SRGAP2C: variants seen among roughly 807,000 people sequenced by gnomAD.
The protein encoded by SRGAP2C is SLIT-ROBO Rho GTPase-activating protein 2C.
SRGAP2C carries 15 observed loss-of-function variants against 25.1 expected under a neutral mutation model. The observed-to-expected ratio is 0.60, with a 90% CI of 0.40 to 0.92. The LOEUF (loss-of-function observed/expected upper bound fraction) is 0.92. Among genes scored for constraint, SRGAP2C ranks in the 40% least tolerant of loss-of-function variants. The probability of loss-of-function intolerance (pLI) is 0.00; values close to 1 mark genes in which losing one functional copy is unlikely to be tolerated. For synonymous variants in SRGAP2C, 44 were observed against 96.6 expected, an observed-to-expected ratio of 0.46 and a Z score of 3.19; for missense variants, 144 against 264.4, an observed-to-expected ratio of 0.54 and a Z score of 3.16.
At position 121,323,341 on chromosome 1, in the gene SRGAP2C, C is replaced by T. The variant is rs1553341320; in HGVS notation, c.261-1137C>T. Reference sequence around the variant, plus strand: ...TTAGAAATGAGCATCTAGGGCCGGGCGCAGTGGCTCACTCCTATAATCCCA... The same window carrying T: ...TTAGAAATGAGCATCTAGGGCCGGGTGCAGTGGCTCACTCCTATAATCCCA... On this transcript the variant is annotated intron_variant, in intron 3 of 9. Transcript: ENST00000367123. 6.1e-4 allele frequency among the ~76,000 whole-genome samples: 92 copies of T among 152,028 alleles called. No homozygotes were observed. The South Asian group carries it at 9.3e-3, about 15-fold the overall frequency.
At chr1:121,219,029 C>T (rs1187294146) in intron 2 of SRGAP2C, among the ~76,000 whole-genome samples, 3 of 152,158 alleles carry the variant, frequency 2.0e-5, no homozygotes, top group Non-Finnish European at 4.4e-5. Flanking sequence ...TTTTTAGCAA[C>T]TTGCCTTCAA....
At chr1:121,298,411 TC>T (rs1657641104) in intron 3 of SRGAP2C, among the ~76,000 whole-genome samples, 17 of 135,450 alleles carry the variant, frequency 1.3e-4, no homozygotes, top group Non-Finnish European at 4.7e-5. Flanking sequence ...AGAAGGCCAG[TC>T]CTATTCAGCC....
chr1:121,388,859 AG>A lies in SRGAP2C; in HGVS notation c.*1007del, dbSNP rs1293752978. 1 of 96,772 alleles carries A rather than the reference AG, an allele frequency of 1.0e-5. No homozygotes were observed. Among genetic ancestry groups the A allele is most frequent in the Non-Finnish European group, 2.1e-5 (1 of 48,630 alleles). 6.0% of individuals were successfully genotyped at this position (96,772 alleles called of 1,614,324 possible). A position where few individuals can be genotyped will look rare whatever the true frequency, so the allele number is the denominator to read the frequency against. ...TTTTATCCTAGAGAAAACTGCTAAA[AG>A]GGAATGATATATCAGTACTATTCTT... On this transcript the variant is annotated 3_prime_UTR_variant, in exon 10 of 10. Transcript: ENST00000367123.
intron 3 of SRGAP2C, among the ~76,000 whole-genome samples, chr1:121,309,560 C>T (rs1287578810): frequency 2.0e-5 from 3 of 151,654 alleles, no homozygotes; most frequent in African/African-American, 4.8e-5. Context: ...TCTCCCAATG[C>T]TATCCCTCCC....
At chr1:121,236,282 C>CTCTTA (rs1207629136) in intron 2 of SRGAP2C, among the ~76,000 whole-genome samples, 1 of 151,822 alleles carries the variant, frequency 6.6e-6, no homozygotes, top group Non-Finnish European at 1.5e-5. Flanking sequence ...TCGAAAACCA[C>CTCTTA]CATGTAGTTC....
intron 2 of SRGAP2C, among the ~76,000 whole-genome samples, chr1:121,258,311 G>T (rs1480909016): frequency 6.6e-6 from 1 of 151,470 alleles, no homozygotes; most frequent in Non-Finnish European, 1.5e-5. Flanking sequence ...TGTTTTTAGG[G>T]TGGTGCCCTT....
intron 2 of SRGAP2C, among the ~76,000 whole-genome samples, chr1:121,263,108 C>A (rs1477591545): frequency 6.6e-6 from 1 of 151,714 alleles, no homozygotes; most frequent in East Asian, 1.9e-4. Flanking sequence ...AATCTCAGCA[C>A]TTTGGGAGGC....
intron 4 of SRGAP2C, chr1:121,362,687 A>C (rs1659226063): frequency 6.6e-6 from 1 of 151,684 alleles, no homozygotes; most frequent in Non-Finnish European, 1.5e-5. Context: ...AGTGATACTC[A>C]TGGTCACTTC....
At position 121,390,946 on chromosome 1, in the gene SRGAP2C, T is replaced by G. The variant is rs1570844919; in HGVS notation, c.*3091T>G. On this transcript the variant is annotated 3_prime_UTR_variant, in exon 10 of 10. Coordinates refer to ENST00000367123, the MANE Select transcript of SRGAP2C (RefSeq NM_001329984.2). ...ATCCCAGCTACTCAGGAGGCTAAGGTGGGAGGATTACTTGAACTGGGGAGG... is the reference window on the plus strand; with the variant it reads ...ATCCCAGCTACTCAGGAGGCTAAGGGGGGAGGATTACTTGAACTGGGGAGG... 3 of 117,976 alleles carry G rather than the reference T, an allele frequency of 2.5e-5. No individual in the cohort carries two copies. Among genetic ancestry groups the G allele is most frequent in the Admixed American group, 8.7e-5 (1 of 11,450 alleles). 7.3% of individuals were successfully genotyped at this position (117,976 alleles called of 1,614,324 possible).
At chr1:121,263,200 T>TA (rs1558099056) in intron 2 of SRGAP2C, among the ~76,000 whole-genome samples, 1 of 150,278 alleles carries the variant, frequency 6.7e-6, no homozygotes, top group Non-Finnish European at 1.5e-5. Context: ...CTAAAATACT[T>TA]ATAATCCTAG....
At chr1:121,377,350 G>A (rs1255523829) in intron 7 of SRGAP2C, among the ~76,000 whole-genome samples, 1 of 67,830 alleles carries the variant, frequency 1.5e-5, no homozygotes, top group Non-Finnish European at 2.7e-5. Flanking sequence ...CTCACTGCAA[G>A]CTCCACCTCC....
intron 2 of SRGAP2C, among the ~76,000 whole-genome samples, chr1:121,279,048 T>TGGAA (rs1657177903): frequency 6.6e-6 from 1 of 151,944 alleles, no homozygotes; most frequent in Non-Finnish European, 1.5e-5. Flanking sequence ...GCAGATTGGG[T>TGGAA]GGAAAAAGAC....
At chr1:121,248,596 A>G (rs1656277550) in intron 2 of SRGAP2C, among the ~76,000 whole-genome samples, 1 of 150,096 alleles carries the variant, frequency 6.7e-6, no homozygotes, top group African/African-American at 2.4e-5. Context: ...ACAGGCGCCC[A>G]CCACCACGCC....
At chr1:121,385,086 C>A (rs587654697) in intron 8 of SRGAP2C, among the ~76,000 whole-genome samples, 1 of 151,316 alleles carries the variant, frequency 6.6e-6, no homozygotes, top group East Asian at 2.0e-4. Flanking sequence ...AGTCTATCCC[C>A]ATCAGTGTGG....
chr1:121,314,065 A>T (rs1434812773), intron 3 of SRGAP2C, among the ~76,000 whole-genome samples: 1 of 101,430 alleles, frequency 9.9e-6, no homozygotes, highest in Non-Finnish European at 2.0e-5. Flanking sequence ...AGGTACACCA[A>T]TCAGACGTAG....
chr1:121,209,256 GAA>G (rs1655192135), intron 2 of SRGAP2C, among the ~76,000 whole-genome samples: 1 of 63,712 alleles, frequency 1.6e-5, no homozygotes, highest in African/African-American at 6.6e-5. Context: ...AGTCGAACTT[GAA>G]AAGAGTCAGT....
At chr1:121,306,085 A>G (rs1657830200) in intron 3 of SRGAP2C, among the ~76,000 whole-genome samples, 1 of 152,174 alleles carries the variant, frequency 6.6e-6, no homozygotes, top group Non-Finnish European at 1.5e-5. Flanking sequence ...TTTCATATAG[A>G]GAAGGTAAGG....
At chr1:121,260,986 T>C (rs1656618482) in intron 2 of SRGAP2C, among the ~76,000 whole-genome samples, 1 of 99,396 alleles carries the variant, frequency 1.0e-5, no homozygotes, top group Non-Finnish European at 2.1e-5. Context: ...TGGAGTGCAG[T>C]GGTGTGATCA....
intron 3 of SRGAP2C, among the ~76,000 whole-genome samples, chr1:121,291,055 A>G (rs1244280090): frequency 8.9e-5 from 12 of 135,328 alleles, no homozygotes; most frequent in Admixed American, 6.2e-4. Context: ...GAGAGACACG[A>G]GGAAAACAGA....
Sources: gnomAD v4.1 joint callset for allele counts (sites outside exome capture counted in the v4.1 genomes callset) on GRCh38, gnomAD v4.1.1 for gene constraint, MANE v1.5 for transcripts, NCBI Gene and HGNC (gene_info 2026-07-23, HGNC 2026-07-21) for gene names.